GRM7: variants seen among roughly 807,000 people sequenced by gnomAD.
GRM7 encodes the protein glutamate metabotropic receptor 7, also known as metabotropic glutamate receptor 7.
A neutral mutation model predicts 84.5 loss-of-function variants in GRM7; 35 were observed. That is an observed-to-expected ratio of 0.41 (90% CI 0.32 to 0.55). The LOEUF (loss-of-function observed/expected upper bound fraction) is 0.55. Among genes scored for constraint, GRM7 ranks in the 20% least tolerant of loss-of-function variants. GRM7 has a pLI of 0.19. For synonymous variants in GRM7, 487 were observed against 455.1 expected (o/e 1.07, Z -0.89); for missense variants, 1,003 against 1,194.6 (o/e 0.84, Z 2.36).
chr3:7,326,596 C>A (rs951287218), intron 4 of GRM7, among the ~76,000 whole-genome samples: 8 of 152,110 alleles, frequency 5.3e-5, no homozygotes, highest in Non-Finnish European at 1.0e-4. Flanking sequence ...ACCTGTAATC[C>A]CAGCACTTTT....
At chr3:7,693,069 C>T (rs902416238) in intron 9 of GRM7, among the ~76,000 whole-genome samples, 7 of 150,800 alleles carry the variant, frequency 4.6e-5, no homozygotes, top group Middle Eastern at 3.4e-3. Context: ...AATTTAAATA[C>T]TGTACTTCCT....
intron 9 of GRM7, among the ~76,000 whole-genome samples, chr3:7,727,613 C>T (rs891259007): frequency 1.3e-5 from 2 of 152,120 alleles, no homozygotes; most frequent in Non-Finnish European, 1.5e-5. Context: ...TTCATACACA[C>T]GAGAAGCCTA....
At chr3:7,601,068 CATT>C (rs1200658776) in intron 8 of GRM7, among the ~76,000 whole-genome samples, 4 of 152,080 alleles carry the variant, frequency 2.6e-5, no homozygotes, top group Non-Finnish European at 5.9e-5. Context: ...ATTCCCATCA[CATT>C]ATGCTTGTTG....
At position 7,741,019 on chromosome 3, in the gene GRM7, G is replaced by C. The variant is rs1702678974; in HGVS notation, c.*613G>C. ...CTGCACATCATGTTTTTTTTTTTAA[G>C]ACAAAAAAGATGTTTAAAGACCAAA... On this transcript the variant is annotated 3_prime_UTR_variant, in exon 10 of 10. Transcript: ENST00000357716. 1 of 150,454 alleles carries C rather than the reference G, an allele frequency of 6.6e-6. No homozygotes were observed. The highest frequency in any genetic ancestry group is 6.6e-5 in the Admixed American group (1 of 15,108). 9.3% of individuals were successfully genotyped at this position (150,454 alleles called of 1,614,324 possible).
At chr3:6,871,614 C>T (rs1290133865) in intron 1 of GRM7, among the ~76,000 whole-genome samples, 2 of 151,630 alleles carry the variant, frequency 1.3e-5, no homozygotes, top group Non-Finnish European at 2.9e-5. Flanking sequence ...GTGGCTTAAC[C>T]AAAATTCTGT....
At chr3:7,540,149 G>A (rs1446179202) in intron 7 of GRM7, among the ~76,000 whole-genome samples, 2 of 152,110 alleles carry the variant, frequency 1.3e-5, no homozygotes, top group Non-Finnish European at 2.9e-5. Flanking sequence ...ACATTGAACG[G>A]TTGCTTTAGG....
intron 7 of GRM7, among the ~76,000 whole-genome samples, chr3:7,528,125 G>T (rs1299643091): frequency 6.6e-6 from 1 of 151,986 alleles, no homozygotes; most frequent in Non-Finnish European, 1.5e-5. Context: ...CATCTGGTGG[G>T]ATTCAGCTGT....
intron 1 of GRM7, among the ~76,000 whole-genome samples, chr3:6,907,822 C>A (rs914612332): frequency 1.3e-5 from 2 of 152,108 alleles, no homozygotes; most frequent in African/African-American, 4.8e-5. Context: ...CTTCATTCAA[C>A]CTTCTTCAGG....
intron 1 of GRM7, among the ~76,000 whole-genome samples, chr3:7,119,551 A>G (rs2125042485): frequency 6.6e-6 from 1 of 152,296 alleles, no homozygotes; most frequent in South Asian, 2.1e-4. Context: ...GACACTTTTC[A>G]TCACTATTTG....
At chr3:7,421,916 T>TA (rs773501237) in intron 5 of GRM7, among the ~76,000 whole-genome samples, 1,023 of 78,784 alleles carry the variant, frequency 0.013, 14 homozygotes, top group East Asian at 0.026. Flanking sequence ...CTACAAACAG[T>TA]AAAAAAAAAA....
intron 4 of GRM7, 29 bp from the exon 5 acceptor site, chr3:7,414,994 C>A (rs757878478): frequency 1.3e-6 from 2 of 1,586,550 alleles, no homozygotes; most frequent in Admixed American, 1.8e-5. Context: ...GCCCCGCAAG[C>A]AATGACCTTT....
chr3:7,075,751 C>T (rs1171318052), intron 1 of GRM7, among the ~76,000 whole-genome samples: 1 of 152,038 alleles, frequency 6.6e-6, no homozygotes, highest in Non-Finnish European at 1.5e-5. Flanking sequence ...GTTTCGAACT[C>T]CTGACCTCAG....
At chr3:7,053,051 AC>A (rs1480934851) in intron 1 of GRM7, among the ~76,000 whole-genome samples, 1 of 149,416 alleles carries the variant, frequency 6.7e-6, no homozygotes, top group Non-Finnish European at 1.5e-5. Context: ...ATTCTCAATG[AC>A]ACTTAGTCTT....
At chr3:7,242,670 A>G (rs1017596500) in intron 2 of GRM7, among the ~76,000 whole-genome samples, 1 of 152,164 alleles carries the variant, frequency 6.6e-6, no homozygotes, top group African/African-American at 2.4e-5. Flanking sequence ...AGATTTTCTT[A>G]AAGTTTTGTG....
intron 2 of GRM7, among the ~76,000 whole-genome samples, chr3:7,201,409 T>C (rs1057254169): frequency 6.6e-6 from 1 of 152,136 alleles, no homozygotes; most frequent in Non-Finnish European, 1.5e-5. Context: ...ATACTAGATG[T>C]GTATATACTA....
rs1700738138 is a variant in GRM7, at chr3:7,525,058, T to G, written c.1516-53364T>G. Among the ~76,000 whole-genome samples the G allele has an allele frequency of 2.7e-5, 4 of 149,076 alleles. No individual in the cohort carries two copies. In the Admixed American group the frequency reaches 2.7e-4, roughly 10 times the overall value. ...CATGTTCTCACTCATAGATGGGAAT[T>G]GAACAATGAGAACACATGGACACAG... On this transcript the variant is annotated intron_variant, in intron 7 of 9. Coordinates refer to ENST00000357716, the MANE Select transcript of GRM7 (RefSeq NM_000844.4).
intron 8 of GRM7, among the ~76,000 whole-genome samples, chr3:7,629,088 A>T (rs905752751): frequency 6.6e-6 from 1 of 152,206 alleles, no homozygotes; most frequent in African/African-American, 2.4e-5. Context: ...TCTGTAAAAA[A>T]AAGGAGATAA....
At chr3:7,116,855 C>T (rs772641115) in intron 1 of GRM7, among the ~76,000 whole-genome samples, 2 of 152,074 alleles carry the variant, frequency 1.3e-5, no homozygotes, top group Non-Finnish European at 2.9e-5. Context: ...TAAATGAGTT[C>T]TCTCTCAGTG....
At chr3:7,236,811 A>G (rs1697364299) in intron 2 of GRM7, among the ~76,000 whole-genome samples, 1 of 152,178 alleles carries the variant, frequency 6.6e-6, no homozygotes, top group African/African-American at 2.4e-5. Context: ...TAAAAGATCA[A>G]CCAAACCTGG....
Sources: allele counts gnomAD v4.1 joint callset (sites outside exome capture counted in the v4.1 genomes callset), GRCh38; gene constraint gnomAD v4.1.1; transcripts MANE v1.5; gene names NCBI Gene and HGNC (gene_info 2026-07-23, HGNC 2026-07-21).